Variants in ZNF385D observed in about 807,000 individuals in gnomAD.
The protein encoded by ZNF385D is zinc finger protein 659.
ZNF385D carries 15 observed loss-of-function variants against 35.8 expected under a neutral mutation model. The ratio of observed to expected loss-of-function variants is 0.42; its 90% CI spans 0.28 to 0.64. The LOEUF (loss-of-function observed/expected upper bound fraction) is 0.64, where lower values mean the gene tolerates loss of function less well. Ranked by LOEUF, ZNF385D falls within the 30% of genes least tolerant of loss-of-function variation. ZNF385D has a pLI of 0.23. For synonymous variants in ZNF385D, 212 were observed against 186.8 expected, an observed-to-expected ratio of 1.13 and a Z score of -1.10; for missense variants, 474 against 494.6, an observed-to-expected ratio of 0.96 and a Z score of 0.39.
chr3:21,767,661 T>C (rs954893582), intron 3 of ZNF385D, among the ~76,000 whole-genome samples: 3 of 151,346 alleles, frequency 2.0e-5, no homozygotes, highest in African/African-American at 7.3e-5. Flanking sequence ...GAGTGGTGAA[T>C]GGGAAGAGAG....
chr3:22,109,218 G>A (rs191944292), intron 3 of ZNF385D, among the ~76,000 whole-genome samples: 1 of 152,196 alleles, frequency 6.6e-6, no homozygotes, highest in Admixed American at 6.5e-5. Flanking sequence ...GAAGGTGAAT[G>A]ACTCAGTCAG....
chr3:22,274,056 TTATTTCA>T (rs1240507874), intron 2 of ZNF385D, among the ~76,000 whole-genome samples: 1 of 151,994 alleles, frequency 6.6e-6, no homozygotes, highest in Non-Finnish European at 1.5e-5. Flanking sequence ...TCTATTTACC[TTATTTCA>T]TATTGAGTAA....
At chr3:21,595,892 A>T (rs1039211345) in intron 2 of ZNF385D, among the ~76,000 whole-genome samples, 3 of 152,184 alleles carry the variant, frequency 2.0e-5, no homozygotes, top group African/African-American at 7.2e-5. Context: ...AATACCAACT[A>T]TATCATATGT....
chr3:22,145,197 C>A lies in ZNF385D; in HGVS notation c.325+23620G>T, dbSNP rs535049650. Among the ~76,000 whole-genome samples the A allele has an allele frequency of 1.6e-3, 249 of 152,294 alleles. 1 individual carries two copies. Among genetic ancestry groups the A allele is most frequent in the African/African-American group, 5.7e-3 (235 of 41,564 alleles). On this transcript the variant is annotated intron_variant, in intron 3 of 5. Transcript: ENST00000494108. ...ATAACATACTTTTTAATTTTACCTT[C>A]TTTATGGATATGTTCTCTCTATGCC...
At chr3:21,852,527 T>C (rs1253743478) in intron 3 of ZNF385D, among the ~76,000 whole-genome samples, 2 of 151,928 alleles carry the variant, frequency 1.3e-5, no homozygotes, top group Non-Finnish European at 2.9e-5. Flanking sequence ...AATATCATGC[T>C]AAATGTGTGA....
intron 3 of ZNF385D, among the ~76,000 whole-genome samples, chr3:22,112,351 C>T (rs1156681457): frequency 1.3e-5 from 2 of 152,086 alleles, no homozygotes; most frequent in African/African-American, 2.4e-5. Flanking sequence ...TTAGACCAGT[C>T]ATAGTCCTCC....
At chr3:22,151,325 T>C (rs899342492) in intron 3 of ZNF385D, among the ~76,000 whole-genome samples, 7 of 152,000 alleles carry the variant, frequency 4.6e-5, no homozygotes, top group African/African-American at 9.7e-5. Flanking sequence ...AGAAAGAAAA[T>C]GTCTAATGTC....
At chr3:21,438,648 C>G (rs1032937129) in intron 4 of ZNF385D, among the ~76,000 whole-genome samples, 1 of 152,094 alleles carries the variant, frequency 6.6e-6, no homozygotes, top group African/African-American at 2.4e-5. Flanking sequence ...TCATCTGGAT[C>G]TTGTTTCCTT....
chr3:21,741,097 A>G (rs1339143942), intron 1 of ZNF385D, among the ~76,000 whole-genome samples: 1 of 152,152 alleles, frequency 6.6e-6, no homozygotes, highest in Admixed American at 6.6e-5. Flanking sequence ...TTCTGTGAGC[A>G]GTGGCCACAT....
At position 22,044,701 on chromosome 3, in the gene ZNF385D, A is replaced by C. The variant is rs184783371; in HGVS notation, c.325+124116T>G. Among the ~76,000 whole-genome samples the C allele has an allele frequency of 1.6e-3, 242 of 152,198 alleles. 1 individual carries two copies. Among genetic ancestry groups the C allele is most frequent in the African/African-American group, 5.6e-3 (231 of 41,564 alleles). ...AAGAGCCATTTGGTTAACCTGCTCT[A>C]TTGGGAAGGAAGGTGGAGAGAATGG... is the stretch of plus-strand genomic sequence containing the variant. On this transcript the variant is annotated intron_variant, in intron 3 of 5. Transcript: ENST00000494108.
At chr3:21,733,044 T>C (rs947325907) in intron 1 of ZNF385D, among the ~76,000 whole-genome samples, 1 of 152,212 alleles carries the variant, frequency 6.6e-6, no homozygotes, top group Non-Finnish European at 1.5e-5. Context: ...ATGTGTGTGA[T>C]CCATTTTGAA....
At chr3:21,721,031 A>T (rs1302593166) in intron 1 of ZNF385D, among the ~76,000 whole-genome samples, 2 of 152,152 alleles carry the variant, frequency 1.3e-5, no homozygotes, top group Non-Finnish European at 2.9e-5. Flanking sequence ...TTTAAAAAAC[A>T]TATCCTTTCT....
chr3:22,272,018 G>A (rs1169549345), intron 2 of ZNF385D, among the ~76,000 whole-genome samples: 1 of 151,982 alleles, frequency 6.6e-6, no homozygotes, highest in Non-Finnish European at 1.5e-5. Context: ...TTTACAATAT[G>A]CAGTGGTGCC....
chr3:21,496,989 C>T (rs188722148), intron 4 of ZNF385D, among the ~76,000 whole-genome samples: 2 of 152,188 alleles, frequency 1.3e-5, no homozygotes, highest in Admixed American at 1.3e-4. Context: ...AGAACCGAAA[C>T]AAGACAAGGA....
At chr3:22,049,759 A>G (rs889744707) in intron 3 of ZNF385D, among the ~76,000 whole-genome samples, 64 of 152,154 alleles carry the variant, frequency 4.2e-4, no homozygotes, top group African/African-American at 1.5e-3. Flanking sequence ...TTGAAATGAT[A>G]TATTTTTTGT....
At chr3:21,976,324 C>T (rs1703622191) in intron 3 of ZNF385D, among the ~76,000 whole-genome samples, 1 of 151,986 alleles carries the variant, frequency 6.6e-6, no homozygotes, top group African/African-American at 2.4e-5. Context: ...ACAAATACTA[C>T]AGTAATAAGA....
At chr3:21,583,286 C>A (rs1018869609) in intron 2 of ZNF385D, among the ~76,000 whole-genome samples, 3 of 152,118 alleles carry the variant, frequency 2.0e-5, no homozygotes, top group Non-Finnish European at 4.4e-5. Context: ...TTGAGAAACA[C>A]TGATTTAAGA....
chr3:21,865,930 A>G (rs73040511), intron 3 of ZNF385D, among the ~76,000 whole-genome samples: 13,854 of 152,112 alleles, frequency 0.091, 791 homozygotes, highest in East Asian at 0.14. Context: ...AATGCGAAGG[A>G]CACTCATGAA....
At chr3:21,823,760 G>C (rs1226695356) in intron 3 of ZNF385D, among the ~76,000 whole-genome samples, 2 of 152,114 alleles carry the variant, frequency 1.3e-5, no homozygotes, top group African/African-American at 4.8e-5. Flanking sequence ...AATGGAGCAC[G>C]TACTACCTAC....
Sources: allele counts gnomAD v4.1 joint callset (sites outside exome capture counted in the v4.1 genomes callset), GRCh38; gene constraint gnomAD v4.1.1; transcripts MANE v1.5; gene names NCBI Gene and HGNC (gene_info 2026-07-23, HGNC 2026-07-21).